The following SNX29 variants were observed in gnomAD, a reference collection of about 807,000 sequenced individuals.
The protein encoded by SNX29 is sorting nexin 29, also known as sorting nexin-29.
A neutral mutation model predicts 102.1 loss-of-function variants in SNX29; 78 were observed. The observed-to-expected ratio is 0.76, with a 90% CI of 0.64 to 0.92. The LOEUF is 0.92. Ranked by LOEUF, SNX29 falls within the 40% of genes least tolerant of loss-of-function variation. The pLI, the probability that SNX29 is intolerant of heterozygous loss-of-function variation, is 0.00. For synonymous variants in SNX29, 580 were observed against 414.5 expected (o/e 1.40, Z -4.85); for missense variants, 1,280 against 1,061.7 (o/e 1.21, Z -2.86).
At chr16:12,186,630 G>T (rs923980924) in intron 13 of SNX29, among the ~76,000 whole-genome samples, 1 of 152,222 alleles carries the variant, frequency 6.6e-6, no homozygotes, top group Non-Finnish European at 1.5e-5. Flanking sequence ...TTGGGATCCA[G>T]TCCAGGATCA....
chr16:12,405,986 C>T (rs1391931698), intron 18 of SNX29, among the ~76,000 whole-genome samples: 1 of 151,714 alleles, frequency 6.6e-6, no homozygotes, highest in Non-Finnish European at 1.5e-5. Flanking sequence ...GAGCCGAGAT[C>T]GCACCATTGC....
At chr16:12,275,902 T>TGG (rs1555502604) in intron 14 of SNX29, among the ~76,000 whole-genome samples, 10 of 78,154 alleles carry the variant, frequency 1.3e-4, no homozygotes, top group African/African-American at 5.0e-4. Flanking sequence ...TTTTTTTTTT[T>TGG]GGGGGGCGTG....
intron 11 of SNX29, among the ~76,000 whole-genome samples, chr16:12,117,333 C>A (rs112694175): frequency 7.1e-6 from 1 of 140,516 alleles, no homozygotes; most frequent in African/African-American, 2.7e-5. Flanking sequence ...TCAATGCGGA[C>A]GAACCGTGGA....
chr16:12,289,226 T>A (rs1353639364), intron 15 of SNX29, among the ~76,000 whole-genome samples: 2 of 152,250 alleles, frequency 1.3e-5, no homozygotes, highest in Non-Finnish European at 2.9e-5. Context: ...CATCTGTTCC[T>A]GTGTGCTGGG....
At chr16:12,165,254 G>T (rs577191915) in intron 13 of SNX29, among the ~76,000 whole-genome samples, 2 of 152,356 alleles carry the variant, frequency 1.3e-5, no homozygotes, top group South Asian at 4.1e-4. Context: ...TCCTGAAGAA[G>T]AGAGGAGCTT....
intron 15 of SNX29, among the ~76,000 whole-genome samples, chr16:12,354,818 G>A (rs1039249957): frequency 6.6e-6 from 1 of 152,176 alleles, no homozygotes; most frequent in Non-Finnish European, 1.5e-5. Flanking sequence ...GGTAACAAAG[G>A]AATATTAATT....
rs1597426747 is a variant in SNX29 at position 12,452,023 on chromosome 16, G to A, written c.2038-25696G>A. 2.0e-5 allele frequency among the ~76,000 whole-genome samples: 3 copies of A among 152,288 alleles called. No homozygotes were observed. The Middle Eastern group carries it at 0.01, about 518-fold the overall frequency. On this transcript the variant is annotated intron_variant, in intron 18 of 20. Coordinates refer to ENST00000566228, the MANE Select transcript of SNX29 (RefSeq NM_032167.5). ...CAGCTCTAGAAAGGGCCCATGCTCAGCTGTTTAGCTTTGGACAGTTATTGA... is the reference window on the plus strand; with the variant it reads ...CAGCTCTAGAAAGGGCCCATGCTCAACTGTTTAGCTTTGGACAGTTATTGA...
chr16:12,328,486 C>T (rs190949098), intron 15 of SNX29, among the ~76,000 whole-genome samples: 41 of 152,254 alleles, frequency 2.7e-4, no homozygotes, highest in African/African-American at 8.9e-4. Flanking sequence ...GACCTCTGCC[C>T]CAAAGCACTT....
chr16:12,210,100 C>G (rs1375517919), intron 14 of SNX29, among the ~76,000 whole-genome samples: 1 of 152,198 alleles, frequency 6.6e-6, no homozygotes, highest in African/African-American at 2.4e-5. Context: ...GTCCAGCCCT[C>G]AATCCATGTG....
chr16:12,124,620 T>C (rs2054125753), intron 11 of SNX29, among the ~76,000 whole-genome samples: 1 of 152,238 alleles, frequency 6.6e-6, no homozygotes, highest in Non-Finnish European at 1.5e-5. Flanking sequence ...GTACCAGAAA[T>C]GTATTTCAGT....
chr16:12,116,804 A>G (rs905616429), intron 11 of SNX29, among the ~76,000 whole-genome samples: 1 of 152,240 alleles, frequency 6.6e-6, no homozygotes. Flanking sequence ...TTCAACGCGG[A>G]CGAACCGTGG....
chr16:12,223,871 G>T (rs1467872546), intron 14 of SNX29, among the ~76,000 whole-genome samples: 1 of 152,192 alleles, frequency 6.6e-6, no homozygotes, highest in African/African-American at 2.4e-5. Context: ...GTGGCTCGTG[G>T]AATCCACGCC....
intron 15 of SNX29, among the ~76,000 whole-genome samples, chr16:12,317,782 TCCCTAA>T (rs1465666747): frequency 1.3e-5 from 2 of 152,210 alleles, no homozygotes; most frequent in African/African-American, 2.4e-5. Context: ...CTGGATATGT[TCCCTAA>T]CCTCTCCAAG....
At chr16:12,220,681 C>A (rs1474476582) in intron 14 of SNX29, among the ~76,000 whole-genome samples, 1 of 152,108 alleles carries the variant, frequency 6.6e-6, no homozygotes, top group Non-Finnish European at 1.5e-5. Context: ...TTTTTCTTTT[C>A]TTTTCCTTTT....
intron 19 of SNX29, among the ~76,000 whole-genome samples, chr16:12,491,096 C>T (rs2088523042): frequency 6.6e-6 from 1 of 152,252 alleles, no homozygotes; most frequent in African/African-American, 2.4e-5. Context: ...GCAGGGCATT[C>T]TAATGCATTA....
chr16:12,157,201 C>T (rs1457557287), intron 13 of SNX29, among the ~76,000 whole-genome samples: 1 of 152,172 alleles, frequency 6.6e-6, no homozygotes, highest in African/African-American at 2.4e-5. Context: ...ATCCACCCCC[C>T]ATAGGCTGAT....
At chr16:12,188,882 A>G (rs1209034940) in intron 13 of SNX29, among the ~76,000 whole-genome samples, 2 of 152,150 alleles carry the variant, frequency 1.3e-5, no homozygotes, top group East Asian at 3.8e-4. Flanking sequence ...ATTAGAGAAA[A>G]CTGGAAGGAA....
At chr16:12,423,715 C>T (rs947207284) in intron 18 of SNX29, among the ~76,000 whole-genome samples, 7 of 152,136 alleles carry the variant, frequency 4.6e-5, no homozygotes, top group East Asian at 3.9e-4. Context: ...GGGTTACAGG[C>T]GCGCACCACC....
chr16:12,555,210 C>T (rs560373060), intron 20 of SNX29, among the ~76,000 whole-genome samples: 71 of 151,930 alleles, frequency 4.7e-4, no homozygotes, highest in African/African-American at 1.5e-3. Context: ...GGACTATGGG[C>T]AGCTGCTGGG....
Sources: gnomAD v4.1 joint callset for allele counts (sites outside exome capture counted in the v4.1 genomes callset) on GRCh38, gnomAD v4.1.1 for gene constraint, MANE v1.5 for transcripts, NCBI Gene and HGNC (gene_info 2026-07-23, HGNC 2026-07-21) for gene names.